Variants in WNT5B observed in about 807,000 individuals in gnomAD.
The protein encoded by WNT5B is Wnt family member 5B.
WNT5B carries 18 observed loss-of-function variants against 36.5 expected under a neutral mutation model. That is an observed-to-expected ratio of 0.49 (90% CI 0.34 to 0.73). The LOEUF (loss-of-function observed/expected upper bound fraction) is 0.73, where lower values mean the gene tolerates loss of function less well. Ranked by LOEUF, WNT5B falls within the 30% of genes least tolerant of loss-of-function variation. WNT5B has a pLI of 0.01. For synonymous variants in WNT5B, 213 were observed against 212.3 expected (o/e 1.00, Z -0.03); for missense variants, 424 against 508.4 (o/e 0.83, Z 1.60).
At chr12:1,627,062 C>T (rs1226130170), upstream of WNT5B, among the ~76,000 whole-genome samples, 1 of 152,184 alleles carries the variant, frequency 6.6e-6, no homozygotes, top group Non-Finnish European at 1.5e-5. This position sits in a 1 kb window ranked among gnomAD's most constrained non-coding sequence, Gnocchi z 5.0. Context: ...AAAACCACAA[C>T]AGATGAGCAC....
chr12:1,627,545 TA>T (rs2094542934), upstream of WNT5B, among the ~76,000 whole-genome samples: 2 of 152,190 alleles, frequency 1.3e-5, no homozygotes, highest in South Asian at 4.1e-4. This position sits in a 1 kb window ranked among gnomAD's most constrained non-coding sequence, Gnocchi z 5.0. Flanking sequence ...TTTGGTCTCT[TA>T]ACTCTAGGCT....
At chr12:1,634,130 C>T (rs2270033) in intron 3 of WNT5B, among the ~76,000 whole-genome samples, 101,816 of 152,046 alleles carry the variant, frequency 0.67, 34,831 homozygotes, top group South Asian at 0.76. Context: ...TTGCTTCCTT[C>T]GGTATCAACT....
chr12:1,639,332 G>T (rs1295136016), intron 3 of WNT5B, among the ~76,000 whole-genome samples: 2 of 152,066 alleles, frequency 1.3e-5, no homozygotes, highest in Non-Finnish European at 2.9e-5. Flanking sequence ...TGAGACGAAG[G>T]TTTCACCGTG....
In WNT5B at chr12:1,639,792, C is replaced by A. The variant is rs375865925; in HGVS notation, c.437C>A (p.Thr146Lys). 8 of 1,611,614 alleles carry A rather than the reference C, an allele frequency of 5.0e-6. No homozygotes were observed. Among genetic ancestry groups the A allele is most frequent in the South Asian group, 1.1e-5 (1 of 90,976 alleles). The change falls in exon 4 of 5, where the codon ACG becomes AAG. Residue 146 changes from threonine (T) to lysine (K), a missense_variant. Coordinates refer to ENST00000397196, the MANE Select transcript of WNT5B (RefSeq NM_032642.3). ...CTCTCCACCTGCGGCTGCAGCCGGACGGCGCGGCCCAAGGACCTGCCCCGG... is the reference window on the plus strand; with the variant it reads ...CTCTCCACCTGCGGCTGCAGCCGGAAGGCGCGGCCCAAGGACCTGCCCCGG... ...GELSTCGCSR[T>K]ARPKDLPRDW...
At chr12:1,639,646 A>G in intron 3 of WNT5B, 38 bp from the exon 4 acceptor site, 1 of 1,457,938 alleles carries the variant, frequency 6.9e-7, no homozygotes, top group Non-Finnish European at 9.0e-7. Flanking sequence ...CCGGGAGAGG[A>G]GAGCGCACCC....
chr12:1,637,176 T>C (rs2094563377), intron 3 of WNT5B, among the ~76,000 whole-genome samples: 1 of 152,208 alleles, frequency 6.6e-6, no homozygotes, highest in South Asian at 2.1e-4. Flanking sequence ...TAATATTCCA[T>C]TGTATGGATA....
intron 3 of WNT5B, among the ~76,000 whole-genome samples, chr12:1,639,117 G>A (rs973121092): frequency 1.3e-5 from 2 of 151,938 alleles, no homozygotes; most frequent in Non-Finnish European, 2.9e-5. Context: ...GGCCAGGACC[G>A]GAGGGACTTG....
chr12:1,641,854 C>T (rs557073940), intron 4 of WNT5B, among the ~76,000 whole-genome samples: 2 of 152,248 alleles, frequency 1.3e-5, no homozygotes, highest in South Asian at 2.1e-4. Context: ...TATTGGAGCA[C>T]ATATCAAAGA....
At position 1,644,407 on chromosome 12, in the gene WNT5B, A is replaced by T. The variant is rs996430446; in HGVS notation, c.622-1387A>T. On this transcript the variant is annotated intron_variant, in intron 4 of 4. Transcript: ENST00000397196. The surrounding 1 kb of genome is among the most constrained non-coding windows in gnomAD (Gnocchi z 5.1). ...TCCTTTCTGGGTGGCCTTGGAGGTTAGTGAGCCTCTCTAGAGCTTCAGTTT... is the reference window on the plus strand; with the variant it reads ...TCCTTTCTGGGTGGCCTTGGAGGTTTGTGAGCCTCTCTAGAGCTTCAGTTT... Among the ~76,000 whole-genome samples the T allele has an allele frequency of 6.6e-5, 10 of 152,174 alleles. No individual in the cohort carries two copies. Among genetic ancestry groups the T allele is most frequent in the African/African-American group, 2.4e-4 (10 of 41,438 alleles).
At chr12:1,621,578 A>G (rs548347347) in intron 1 of WNT5B, among the ~76,000 whole-genome samples, 4 of 152,200 alleles carry the variant, frequency 2.6e-5, no homozygotes, top group Non-Finnish European at 5.9e-5. Flanking sequence ...TTATTTTTAG[A>G]GACCTCTGTC....
chr12:1,639,664 GCCCT>G lies in WNT5B; in HGVS notation c.329-19_329-16del, dbSNP rs1272711825. 1.3e-6 allele frequency: 2 copies of G among 1,506,960 alleles called. No homozygotes were observed. The highest frequency in any genetic ancestry group is 2.8e-5 in the African/African-American group (2 of 71,052). The allele number at this position is 1,506,960 out of a possible 1,614,324, so 93.3% of individuals were successfully genotyped here. A position where few individuals can be genotyped will look rare whatever the true frequency, so the allele number is the denominator to read the frequency against. On this transcript the variant is annotated splice_polypyrimidine_tract_variant and intron_variant, in intron 3 of 4. Coordinates refer to ENST00000397196, the MANE Select transcript of WNT5B (RefSeq NM_032642.3). ...GGAGAGGAGAGCGCACCCGCTTACC[GCCCT>G]GGCCTCATTCTGCAGGCAGCCGAGA...
chr12:1,623,964 G>A (rs1310384419), intron 1 of WNT5B, among the ~76,000 whole-genome samples: 1 of 152,178 alleles, frequency 6.6e-6, no homozygotes, highest in East Asian at 1.9e-4. Flanking sequence ...ATCTAAGTGT[G>A]TGTATTAATA....
chr12:1,642,072 T>C (rs1285745360), intron 4 of WNT5B, among the ~76,000 whole-genome samples: 1 of 152,136 alleles, frequency 6.6e-6, no homozygotes, highest in East Asian at 1.9e-4. Context: ...GTGGGGTCAG[T>C]GCGTGGTGAT....
intron 3 of WNT5B, among the ~76,000 whole-genome samples, chr12:1,634,124 T>C (rs971727247): frequency 1.3e-5 from 2 of 152,190 alleles, no homozygotes; most frequent in African/African-American, 4.8e-5. Context: ...GCTCTCTTGC[T>C]TCCTTCGGTA....
upstream of WNT5B, among the ~76,000 whole-genome samples, chr12:1,627,915 G>A (rs1489606052): frequency 2.0e-5 from 3 of 152,084 alleles, no homozygotes; most frequent in African/African-American, 7.3e-5. This position sits in a 1 kb window ranked among gnomAD's most constrained non-coding sequence, Gnocchi z 5.0. Context: ...TGATACATTT[G>A]TTTGTTCACT....
chr12:1,621,128 C>G (rs887183937), intron 1 of WNT5B, among the ~76,000 whole-genome samples: 1 of 150,706 alleles, frequency 6.6e-6, no homozygotes, highest in Admixed American at 6.6e-5. Context: ...CTTGTAGTAG[C>G]TCATAGTATG....
chr12:1,628,820 G>C (rs917554275), upstream of WNT5B, among the ~76,000 whole-genome samples: 1 of 151,020 alleles, frequency 6.6e-6, no homozygotes, highest in Non-Finnish European at 1.5e-5. Context: ...ATGTAAGAGA[G>C]GGCAAACAGC....
At chr12:1,621,459 C>T (rs780619383) in intron 1 of WNT5B, among the ~76,000 whole-genome samples, 2 of 152,140 alleles carry the variant, frequency 1.3e-5, no homozygotes, top group Admixed American at 6.5e-5. Context: ...TGCAGTGTTG[C>T]CCCCAGAAAC....
chr12:1,634,500 G>A (rs1011360013), intron 3 of WNT5B, among the ~76,000 whole-genome samples: 2 of 152,214 alleles, frequency 1.3e-5, no homozygotes, highest in African/African-American at 4.8e-5. Context: ...AAGACACTCC[G>A]CTGGGTTCAG....
Sources: gnomAD v4.1 joint callset for allele counts (sites outside exome capture counted in the v4.1 genomes callset) on GRCh38, gnomAD v4.1.1 for gene constraint, Gnocchi (gnomAD v3.1) non-coding constraint, MANE v1.5 for transcripts, NCBI Gene and HGNC (gene_info 2026-07-23, HGNC 2026-07-21) for gene names.